The following RALGDS variants were observed in gnomAD, a reference collection of about 807,000 sequenced individuals.
RALGDS encodes ral guanine nucleotide exchange factor.
Under a neutral mutation model 99.8 loss-of-function variants are expected in RALGDS, and 44 were observed. The ratio of observed to expected loss-of-function variants is 0.44; its 90% confidence interval spans 0.35 to 0.57. RALGDS has a LOEUF of 0.57. Among genes scored for constraint, RALGDS ranks in the 20% least tolerant of loss-of-function variants. RALGDS has a pLI of 0.01. For synonymous variants in RALGDS, 529 were observed against 505.0 expected, an observed-to-expected ratio of 1.05 and a Z score of -0.64; for missense variants, 1,022 against 1,203.1, an observed-to-expected ratio of 0.85 and a Z score of 2.23.
chr9:133,129,943 T>C (rs1832283701), intron 1 of RALGDS, among the ~76,000 whole-genome samples: 1 of 151,356 alleles, frequency 6.6e-6, no homozygotes, highest in Non-Finnish European at 1.5e-5. Context: ...GCCTCCCAGG[T>C]ATCTGGGATT....
At chr9:133,105,600 T>C (rs1830978696) in intron 9 of RALGDS, among the ~76,000 whole-genome samples, 2 of 151,872 alleles carry the variant, frequency 1.3e-5, no homozygotes. Flanking sequence ...AGGAGCCGCA[T>C]CCCCTTCCCA....
rs1235604343 is a variant in RALGDS, at chr9:133,139,972, C to G, written c.18+8991G>C. Among the ~76,000 whole-genome samples the G allele has an allele frequency of 8.5e-5, 13 of 152,186 alleles. 1 individual carries two copies. Among genetic ancestry groups the G allele is most frequent in the Admixed American group, 8.5e-4 (13 of 15,276 alleles). ...CATCCCACCTCCCAGGCTTCTCTCC[C>G]CTTGACCTCTAGACAGCCCGAACTT... On this transcript the variant is annotated intron_variant, in intron 1 of 17. Transcript: ENST00000393160.
chr9:133,108,626 C>G (rs373293269), intron 5 of RALGDS, 47 bp downstream of exon 5: 10 of 1,605,202 alleles, frequency 6.2e-6, no homozygotes, highest in Admixed American at 1.7e-5. Flanking sequence ...GGCCCAGCAC[C>G]GACCCCTCCT....
intron 17 of RALGDS, chr9:133,100,064 C>T (rs764135136): frequency 5.9e-5 from 38 of 642,642 alleles, no homozygotes; most frequent in African/African-American, 1.8e-4. Context: ...TGCCTGTTCA[C>T]GCCTAGGGAA....
upstream of RALGDS, among the ~76,000 whole-genome samples, chr9:133,133,046 G>GA (rs1221318437): frequency 6.6e-6 from 1 of 152,212 alleles, no homozygotes; most frequent in Non-Finnish European, 1.5e-5. Context: ...TGGACAAGCA[G>GA]CTCCCGGGTA....
In RALGDS at chr9:133,121,106, C is replaced by T. The variant is rs1176906450; in HGVS notation, c.49G>A (p.Glu17Lys). 2.0e-6 allele frequency: 3 copies of T among 1,471,422 alleles called. No homozygotes were observed. Among genetic ancestry groups the T allele is most frequent in the African/African-American group, 2.9e-5 (2 of 67,886 alleles). The allele number at this position is 1,471,422 out of a possible 1,614,324, so 91.1% of individuals were successfully genotyped here. A position where few individuals can be genotyped will look rare whatever the true frequency, so the allele number is the denominator to read the frequency against. The stretch of plus-strand genomic sequence containing the variant: ...CGCCGGGAGCCCGGAAACAGCGGCT[C>T]GGCGCCGCCAGCAGGCCCGGCCGCC... ...AEAAGPAGGA[E>K]PLFPGSRRSR... The change falls in exon 1 of 18, where the codon GAG (glutamate) becomes AAG (lysine). Residue 17 changes from glutamate (E) to lysine (K), a missense_variant. Coordinates refer to ENST00000372050, the MANE Select transcript of RALGDS (RefSeq NM_006266.4).
Position 133,101,981 on chromosome 9 carries a change from T to C in RALGDS, c.2168A>G (p.Asn723Ser). 3.9e-6 allele frequency: 6 copies of C among 1,551,848 alleles called. No individual in the cohort carries two copies. Among genetic ancestry groups the C allele is most frequent in the Non-Finnish European group, 5.2e-6 (6 of 1,147,300 alleles). Reference protein sequence around the residue: ...GSSSSDVEEINISFVPESPDG... With the variant: ...GSSSSDVEEISISFVPESPDG... ...AGGAGACTCCGGGACGAAGCTGATG[T>C]TGATCTCCTCCACGTCGGAGCTAGA... is the stretch of plus-strand genomic sequence containing the variant. Residue 723 changes from asparagine (N) to serine (S), a missense_variant, in exon 15 of 18, where the codon AAC becomes AGC. This residue lies in a region of RALGDS where 825 missense variants were observed against 994.5 expected (regional missense o/e 0.83). Coordinates refer to ENST00000372050, the MANE Select transcript of RALGDS (RefSeq NM_006266.4).
chr9:133,148,998 C>A lies in RALGDS; in HGVS notation c.-18G>T, dbSNP rs1358850896. On this transcript the variant is annotated 5_prime_UTR_variant, in exon 1 of 18. Transcript: ENST00000393160. Reference sequence around the variant, plus strand: ...ACCATCATCCTCAGCCTCGGTGGCACATCGCCGGCCCCAGGGCGGGACCCG... The same window carrying A: ...ACCATCATCCTCAGCCTCGGTGGCAAATCGCCGGCCCCAGGGCGGGACCCG... The A allele has an allele frequency of 1.9e-6, 3 of 1,569,586 alleles. No homozygotes were observed. The African/African-American group carries it at 4.1e-5, about 22-fold the overall frequency.
At chr9:133,104,151 A>G in intron 10 of RALGDS, 112 bp downstream of exon 10, 1 of 1,148,840 alleles carries the variant, frequency 8.7e-7, no homozygotes, top group Non-Finnish European at 1.3e-6. Flanking sequence ...GCTAGGGTCC[A>G]GAGGAGGCTA....
At chr9:133,147,868 T>A (rs1832651026) in intron 1 of RALGDS, among the ~76,000 whole-genome samples, 1 of 152,174 alleles carries the variant, frequency 6.6e-6, no homozygotes, top group South Asian at 2.1e-4. Context: ...TTTGCTCCCC[T>A]CTTTCCCTCT....
chr9:133,126,775 G>A (rs908402171), intron 1 of RALGDS, among the ~76,000 whole-genome samples: 1 of 152,244 alleles, frequency 6.6e-6, no homozygotes, highest in Non-Finnish European at 1.5e-5. Context: ...CCACAGCGAG[G>A]GACAGCGGGA....
upstream of RALGDS, among the ~76,000 whole-genome samples, chr9:133,125,046 A>G (rs1039442405): frequency 3.9e-5 from 6 of 152,258 alleles, no homozygotes; most frequent in Non-Finnish European, 7.3e-5. Flanking sequence ...TTTCAGAGGA[A>G]AAAGAAAGGG....
At chr9:133,108,961 T>C (rs1036874100) in intron 4 of RALGDS, 95 bp from the exon 5 acceptor site, 4 of 1,256,952 alleles carry the variant, frequency 3.2e-6, no homozygotes, top group South Asian at 1.3e-5. Flanking sequence ...GAAGGCCACC[T>C]GCCCCGGCCC....
At chr9:133,138,913 C>A (rs1217539082) in intron 1 of RALGDS, among the ~76,000 whole-genome samples, 2 of 152,176 alleles carry the variant, frequency 1.3e-5, no homozygotes, top group African/African-American at 4.8e-5. Flanking sequence ...GGAGTACAGG[C>A]ATGAGCCACC....
Position 133,098,367 on chromosome 9 carries a change from C to T in RALGDS, c.*220G>A. 1.7e-6 allele frequency: 1 copy of T among 586,874 alleles called. No individual in the cohort carries two copies. Among genetic ancestry groups the T allele is most frequent in the Non-Finnish European group, 3.0e-6 (1 of 329,410 alleles). The allele number at this position is 586,874 out of a possible 1,614,324, so 36.4% of individuals were successfully genotyped here. On this transcript the variant is annotated 3_prime_UTR_variant, in exon 18 of 18. Transcript: ENST00000372050. The stretch of plus-strand genomic sequence containing the variant: ...GCAAAAGTCAGCTAGTCCTCTGGTT[C>T]CAGAGAGCAGAAGGCACCTAAGGCA...
At chr9:133,116,111 G>A (rs369635129) in intron 1 of RALGDS, among the ~76,000 whole-genome samples, 1 of 148,040 alleles carries the variant, frequency 6.8e-6, no homozygotes, top group East Asian at 2.0e-4. Context: ...GCCCCATCAA[G>A]GGAGGTGGAA....
At chr9:133,120,436 C>CCA (rs1474125747) in intron 1 of RALGDS, among the ~76,000 whole-genome samples, 1 of 141,956 alleles carries the variant, frequency 7.0e-6, no homozygotes, top group Non-Finnish European at 1.6e-5. Flanking sequence ...CGACCCCCCC[C>CCA]CCACCCCGCT....
chr9:133,141,452 A>G (rs1473929796), intron 1 of RALGDS, among the ~76,000 whole-genome samples: 3 of 96,214 alleles, frequency 3.1e-5, no homozygotes, highest in African/African-American at 1.2e-4. Flanking sequence ...CCCCTATGGG[A>G]GCCCAAGGGC....
chr9:133,131,383 C>G (rs1221596384), upstream of RALGDS, among the ~76,000 whole-genome samples: 1 of 152,034 alleles, frequency 6.6e-6, no homozygotes, highest in Non-Finnish European at 1.5e-5. Context: ...GTGGCCAGAA[C>G]AAGTCACCTC....
Sources: gnomAD v4.1 joint callset for allele counts (sites outside exome capture counted in the v4.1 genomes callset) on GRCh38, gnomAD v4.1.1 for gene constraint, gnomAD v4.1.1 regional missense constraint, MANE v1.5 for transcripts, NCBI Gene and HGNC (gene_info 2026-07-23, HGNC 2026-07-21) for gene names.